ZSCAN25: variants seen among roughly 807,000 people sequenced by gnomAD.
ZSCAN25 encodes the protein zinc finger and SCAN domain-containing protein 25.
A neutral mutation model predicts 38.7 loss-of-function variants in ZSCAN25; 27 were observed. The ratio of observed to expected loss-of-function variants is 0.70; its 90% CI spans 0.51 to 0.96. The LOEUF is 0.96. ZSCAN25 is among the 40% of genes least tolerant of loss of function. ZSCAN25 has a pLI of 0.00. For synonymous variants in ZSCAN25, 273 were observed against 277.7 expected (o/e 0.98, Z 0.17); for missense variants, 637 against 705.9 (o/e 0.90, Z 1.11).
rs943574989 is a variant in ZSCAN25 at position 99,629,140 on chromosome 7, A to T, written c.806-51A>T. 1 of 1,534,256 alleles carries T rather than the reference A, an allele frequency of 6.5e-7. No individual in the cohort carries two copies. The highest frequency in any genetic ancestry group is 8.8e-7 in the Non-Finnish European group (1 of 1,142,750). On this transcript the variant is annotated intron_variant, in intron 7 of 7. Coordinates refer to ENST00000394152, the MANE Select transcript of ZSCAN25 (RefSeq NM_145115.3). This position sits in a 1 kb window ranked among gnomAD's most constrained non-coding sequence, Gnocchi z 5.6. ...CTGTGAAGCAGAGTTCTAACATGTA[A>T]ATGTCCTGCGGCTACCACAGAATCA...
In ZSCAN25 at chr7:99,627,726, CTCGTATATGCTGTATACGTATA is replaced by C. The variant is rs1263142431; in HGVS notation, c.806-1440_806-1419del. Among the ~76,000 whole-genome samples the C allele has an allele frequency of 1.6e-3, 242 of 148,618 alleles. 2 individuals carry two copies. Among genetic ancestry groups the C allele is most frequent in the Middle Eastern group, 6.8e-3 (2 of 292 alleles). On this transcript the variant is annotated intron_variant, in intron 7 of 7. Transcript: ENST00000394152. Reference sequence around the variant, plus strand: ...TCTCGTATATGCTGTATACGTATATCTCGTATATGCTGTATACGTATATCGTATATGCTGTATACGTATATCT... The same window carrying C: ...TCTCGTATATGCTGTATACGTATATCTCGTATATGCTGTATACGTATATCT...
At chr7:99,677,167 G>A in the ZSCAN25 span, 4 of 985,396 alleles carry the variant, frequency 4.1e-6, no homozygotes, top group Non-Finnish European at 4.8e-6. Flanking sequence ...TGAGTCATGT[G>A]CAAACTCCTC....
At chr7:99,653,805 A>G in the ZSCAN25 span, among the ~76,000 whole-genome samples, 1 of 152,320 alleles carries the variant, frequency 6.6e-6, no homozygotes, top group Admixed American at 6.5e-5. The surrounding 1 kb of genome is among the most constrained non-coding windows in gnomAD (Gnocchi z 4.2). Flanking sequence ...ATATGTACCT[A>G]GCACTTGGTG....
the ZSCAN25 span, among the ~76,000 whole-genome samples, chr7:99,734,167 A>C: frequency 6.6e-6 from 1 of 152,202 alleles, no homozygotes; most frequent in Non-Finnish European, 1.5e-5. Flanking sequence ...AACTCACTGA[A>C]TTGCTAACTT....
downstream of ZSCAN25, among the ~76,000 whole-genome samples, chr7:99,635,554 A>G (rs1413143448): frequency 1.3e-5 from 2 of 152,152 alleles, no homozygotes; most frequent in Non-Finnish European, 2.9e-5. Flanking sequence ...GAGTTTTCCA[A>G]ATTTCAAATA....
At chr7:99,624,019 A>T (rs759590172) in intron 6 of ZSCAN25, 38 bp from the exon 7 acceptor site, 14 of 1,613,578 alleles carry the variant, frequency 8.7e-6, no homozygotes, top group Admixed American at 6.7e-5. Flanking sequence ...CTGGCCTAGG[A>T]TTCTTTCTTT....
At chr7:99,672,026 T>G in the ZSCAN25 span, 1 of 569,470 alleles carries the variant, frequency 1.8e-6, no homozygotes, top group Non-Finnish European at 3.1e-6. Context: ...GCAAAAGTTA[T>G]TGCAGTTTGC....
At chr7:99,730,858 A>C in the ZSCAN25 span, 639 of 614,456 alleles carry the variant, frequency 1.0e-3, 2 homozygotes, top group African/African-American at 0.011. Flanking sequence ...TGGGCTGTCC[A>C]ACTGAGGCAA....
At chr7:99,710,927 G>A in the ZSCAN25 span, 1 of 1,613,142 alleles carries the variant, frequency 6.2e-7, no homozygotes, top group Non-Finnish European at 8.5e-7. Context: ...AGGTAAATCA[G>A]GTCAATGTAG....
At chr7:99,709,186 G>T in the ZSCAN25 span, 5 of 1,613,786 alleles carry the variant, frequency 3.1e-6, no homozygotes, top group Admixed American at 1.7e-5. Context: ...ATAGCAACTG[G>T]GAATAATCTG....
At chr7:99,715,350 A>G in the ZSCAN25 span, 2 of 242,156 alleles carry the variant, frequency 8.3e-6, no homozygotes, top group Non-Finnish European at 1.6e-5. Flanking sequence ...ATGCCACAAC[A>G]CAGTAAACGG....
At chr7:99,714,801 G>A in the ZSCAN25 span, 13 of 1,506,234 alleles carry the variant, frequency 8.6e-6, no homozygotes, top group East Asian at 2.8e-4. Context: ...TTCTCAACTG[G>A]AAGCCATTCC....
chr7:99,692,231 C>G, the ZSCAN25 span, among the ~76,000 whole-genome samples: 3 of 152,200 alleles, frequency 2.0e-5, no homozygotes, highest in African/African-American at 4.8e-5. Flanking sequence ...CCCCCAATCT[C>G]TTCTGTTTTG....
At chr7:99,727,986 A>G in the ZSCAN25 span, among the ~76,000 whole-genome samples, 1 of 152,258 alleles carries the variant, frequency 6.6e-6, no homozygotes, top group Non-Finnish European at 1.5e-5. Context: ...AAAGGGCCTC[A>G]GACCCCATTG....
chr7:99,707,056 A>C, the ZSCAN25 span, among the ~76,000 whole-genome samples: 1 of 152,236 alleles, frequency 6.6e-6, no homozygotes, highest in East Asian at 1.9e-4. Context: ...GGACTAGGTC[A>C]AGAAGACACC....
the ZSCAN25 span, among the ~76,000 whole-genome samples, chr7:99,645,326 G>C: frequency 1.3e-5 from 2 of 152,092 alleles, no homozygotes; most frequent in African/African-American, 4.8e-5. Flanking sequence ...GTATCCCATG[G>C]TGTATATGTA....
chr7:99,620,051 A>T, intron 4 of ZSCAN25, 58 bp downstream of exon 4: 1 of 1,513,630 alleles, frequency 6.6e-7, no homozygotes, highest in Admixed American at 2.2e-5. Flanking sequence ...AATGTTAAAG[A>T]ATCCAAAGAT....
the ZSCAN25 span, among the ~76,000 whole-genome samples, chr7:99,732,230 G>A: frequency 6.6e-6 from 1 of 152,120 alleles, no homozygotes; most frequent in Admixed American, 6.5e-5. Flanking sequence ...TCTTGCTTCT[G>A]CTCCAGTCAT....
the ZSCAN25 span, chr7:99,705,680 A>G: frequency 9.5e-5 from 145 of 1,519,790 alleles, 1 homozygote; most frequent in East Asian, 3.3e-3. Flanking sequence ...AAAATTACTG[A>G]CAATAATGCT....
Sources: allele counts gnomAD v4.1 joint callset (sites outside exome capture counted in the v4.1 genomes callset), GRCh38; gene constraint gnomAD v4.1.1; non-coding constraint Gnocchi (gnomAD v3.1); transcripts MANE v1.5; gene names NCBI Gene and HGNC (gene_info 2026-07-23, HGNC 2026-07-21).